Variants in ANO4 observed in about 807,000 individuals in gnomAD.
ANO4 encodes anoctamin 4.
A neutral mutation model predicts 141.9 loss-of-function variants in ANO4; 69 were observed. The ratio of observed to expected loss-of-function variants is 0.49; its 90% CI spans 0.40 to 0.59. ANO4 has a LOEUF of 0.59. Ranked by LOEUF, ANO4 falls within the 20% of genes least tolerant of loss-of-function variation. The pLI is 0.00. For missense variants in ANO4, 894 were observed against 1,162.2 expected (o/e 0.77, Z 3.36); for synonymous variants, 350 against 394.3 (o/e 0.89, Z 1.33).
At chr12:100,995,249 G>A (rs1373652504) in intron 8 of ANO4, among the ~76,000 whole-genome samples, 1 of 152,100 alleles carries the variant, frequency 6.6e-6, no homozygotes, top group African/African-American at 2.4e-5. Flanking sequence ...TCTTGCAGGA[G>A]GTGAGAAGGG....
intron 1 of ANO4, among the ~76,000 whole-genome samples, chr12:100,806,523 CGTTTTTTTT>C (rs138293173): frequency 8.9e-5 from 4 of 44,980 alleles, no homozygotes; most frequent in Admixed American, 3.1e-4. Context: ...TTTTTTGTTT[CGTTTTTTTT>C]TTTTTTTTTT....
chr12:100,729,813 C>T (rs2031310720), intron 1 of ANO4, among the ~76,000 whole-genome samples: 2 of 152,154 alleles, frequency 1.3e-5, no homozygotes, highest in South Asian at 2.1e-4. Context: ...TGTACTTTTG[C>T]TCTTGGAGTC....
intron 9 of ANO4, among the ~76,000 whole-genome samples, chr12:101,023,124 C>G (rs1408596589): frequency 1.3e-5 from 2 of 152,186 alleles, no homozygotes; most frequent in African/African-American, 4.8e-5. Flanking sequence ...CTGCCTAGCA[C>G]AGTGCCTGGC....
chr12:100,948,263 T>G (rs1453857841), intron 5 of ANO4, among the ~76,000 whole-genome samples: 2 of 151,822 alleles, frequency 1.3e-5, no homozygotes, highest in African/African-American at 2.4e-5. Context: ...ATAATGAAGT[T>G]GGGTGCTGCC....
At chr12:101,085,059 G>A (rs2049429558) in intron 16 of ANO4, among the ~76,000 whole-genome samples, 1 of 152,202 alleles carries the variant, frequency 6.6e-6, no homozygotes. Flanking sequence ...ATTTTGGCCA[G>A]TCTGAGCTAG....
At chr12:100,815,729 T>C (rs1157971083) in intron 1 of ANO4, among the ~76,000 whole-genome samples, 1 of 151,278 alleles carries the variant, frequency 6.6e-6, no homozygotes, top group Non-Finnish European at 1.5e-5. Flanking sequence ...ATATTTTTTA[T>C]TTAGCAAATA....
At chr12:101,028,805 T>A (rs528811479) in intron 9 of ANO4, among the ~76,000 whole-genome samples, 1 of 152,134 alleles carries the variant, frequency 6.6e-6, no homozygotes, top group East Asian at 1.9e-4. Flanking sequence ...GACAGGCCAA[T>A]ATGCAAATTC....
intron 3 of ANO4, among the ~76,000 whole-genome samples, chr12:100,929,159 A>G (rs1026540473): frequency 4.6e-5 from 7 of 152,088 alleles, no homozygotes; most frequent in African/African-American, 7.2e-5. Flanking sequence ...AATGTACAAT[A>G]AGTTATTATT....
intron 3 of ANO4, among the ~76,000 whole-genome samples, chr12:100,778,372 TA>T (rs900421595): frequency 6.6e-6 from 1 of 152,162 alleles, no homozygotes; most frequent in Non-Finnish European, 1.5e-5. Context: ...TGTGAGGTAG[TA>T]AGGTAGACAA....
chr12:100,773,637 T>G (rs554959866), intron 3 of ANO4, among the ~76,000 whole-genome samples: 186 of 152,330 alleles, frequency 1.2e-3, no homozygotes, highest in African/African-American at 4.3e-3. Context: ...AAAGTTCCCT[T>G]TAGTATACAG....
intron 1 of ANO4, among the ~76,000 whole-genome samples, chr12:100,878,668 A>G (rs561218032): frequency 2.0e-5 from 3 of 152,316 alleles, no homozygotes; most frequent in South Asian, 4.1e-4. Context: ...ATGATTGTCT[A>G]CTGGCAATAC....
At chr12:100,774,625 C>G (rs980626983) in intron 3 of ANO4, among the ~76,000 whole-genome samples, 4 of 152,232 alleles carry the variant, frequency 2.6e-5, no homozygotes, top group African/African-American at 9.6e-5. Context: ...TGCATTTGCA[C>G]AGTTACCCTT....
chr12:100,895,160 A>T (rs76100405), intron 1 of ANO4, among the ~76,000 whole-genome samples: 8,760 of 145,588 alleles, frequency 0.06, 804 homozygotes, highest in African/African-American at 0.19. Context: ...TTTTTTTTTT[A>T]ATTAAGAATA....
At chr12:101,055,173 G>C (rs1485714255) in intron 14 of ANO4, among the ~76,000 whole-genome samples, 2 of 152,146 alleles carry the variant, frequency 1.3e-5, no homozygotes, top group Non-Finnish European at 2.9e-5. Flanking sequence ...AAAAGCCTTT[G>C]TAGCCATTCA....
intron 14 of ANO4, chr12:101,066,850 C>T: frequency 7.4e-7 from 1 of 1,348,484 alleles, no homozygotes; most frequent in Non-Finnish European, 1.1e-6. Flanking sequence ...CTGATGCGCT[C>T]AGTGAGAGAG....
chr12:101,001,608 A>C (rs1310670848), intron 8 of ANO4, among the ~76,000 whole-genome samples: 1 of 152,102 alleles, frequency 6.6e-6, no homozygotes, highest in Non-Finnish European at 1.5e-5. Context: ...CCTGACATAT[A>C]TTGACTGCCC....
At chr12:100,885,468 T>C (rs1204278864) in intron 1 of ANO4, 1 of 152,270 alleles carries the variant, frequency 6.6e-6, no homozygotes, top group East Asian at 1.9e-4. Context: ...CAGTGGACCT[T>C]CTTCTGCTGA....
At chr12:101,041,572 G>T (rs1298962341) in intron 11 of ANO4, among the ~76,000 whole-genome samples, 1 of 152,158 alleles carries the variant, frequency 6.6e-6, no homozygotes, top group African/African-American at 2.4e-5. Context: ...ACTGTCTATT[G>T]TGTATCTAGT....
At chr12:100,842,771 C>T (rs898750123) in intron 1 of ANO4, among the ~76,000 whole-genome samples, 2 of 152,026 alleles carry the variant, frequency 1.3e-5, no homozygotes, top group African/African-American at 2.4e-5. Context: ...GGGCCTACCT[C>T]GATCCCTTTA....
Sources: allele counts gnomAD v4.1 joint callset (sites outside exome capture counted in the v4.1 genomes callset), GRCh38; gene constraint gnomAD v4.1.1; transcripts MANE v1.5; gene names NCBI Gene and HGNC (gene_info 2026-07-23, HGNC 2026-07-21).